Variants in RP1L1 observed in about 807,000 individuals in gnomAD.
RP1L1 encodes the protein retinitis pigmentosa 1-like 1 protein.
In RP1L1, 27 loss-of-function variants were observed where a neutral mutation model predicts 15.7. The observed-to-expected ratio is 1.72, with a 90% CI of 1.27 to 2.38. The LOEUF (loss-of-function observed/expected upper bound fraction) is 2.38. Among genes scored for constraint, RP1L1 ranks in the 30% most tolerant of loss-of-function variants. The probability of loss-of-function intolerance (pLI) is 0.00; values close to 1 mark genes in which losing one functional copy is unlikely to be tolerated. For missense variants in RP1L1, 4,798 were observed against 3,075.9 expected (o/e 1.56, Z -13.24); for synonymous variants, 1,813 against 1,276.7 (o/e 1.42, Z -8.96).
At chr8:10,617,690 G>A (rs112530585) in intron 2 of RP1L1, among the ~76,000 whole-genome samples, 4,795 of 151,530 alleles carry the variant, frequency 0.032, 267 homozygotes, top group African/African-American at 0.11. Flanking sequence ...CGGAGTAGCT[G>A]GGACTACAGG....
In RP1L1 at chr8:10,607,987, A is replaced by C. The variant is rs1405885731; in HGVS notation, c.6111T>G (p.Val2037=). ...CTTCTGTCTTCTGGGTCTCCCCTTC[A>C]ACCTCCTGGGCCTCTTCACCTTCTG... ...PKSEGEEAQE[V]EGETQKTEGD... Residue 2037 remains valine (V), a synonymous_variant, in exon 4 of 4, where the codon GTT becomes GTG. Transcript: ENST00000382483. 1 of 1,588,260 alleles carries C rather than the reference A, an allele frequency of 6.3e-7. No individual in the cohort carries two copies. Among genetic ancestry groups the C allele is most frequent in the Non-Finnish European group, 8.5e-7 (1 of 1,171,822 alleles).
chr8:10,627,784 G>A (rs1333689516), intron 1 of RP1L1, among the ~76,000 whole-genome samples: 3 of 152,136 alleles, frequency 2.0e-5, no homozygotes, highest in East Asian at 1.9e-4. Context: ...ACATCACAGC[G>A]TTCCACACAA....
intron 1 of RP1L1, among the ~76,000 whole-genome samples, chr8:10,645,838 C>A (rs1023162732): frequency 1.3e-5 from 2 of 152,156 alleles, no homozygotes; most frequent in Non-Finnish European, 1.5e-5. Flanking sequence ...GACCTCTGAA[C>A]CCTGCACCAG....
At chr8:10,631,299 A>G (rs1222461308) in intron 1 of RP1L1, among the ~76,000 whole-genome samples, 2 of 133,442 alleles carry the variant, frequency 1.5e-5, no homozygotes, top group South Asian at 5.3e-4. Context: ...GCACACAAAC[A>G]CGCATGCACA....
rs113172380 is a variant in RP1L1 at position 10,606,964 on chromosome 8, G to A, written c.7134C>T (p.Leu2378=). 9.9e-6 allele frequency: 16 copies of A among 1,614,114 alleles called. No individual in the cohort carries two copies. The highest frequency in any genetic ancestry group is 5.0e-5 in the Admixed American group (3 of 60,016). The part of the protein sequence containing the change: ...EGYDLQEDQA[L]GSLAPTEAVG... ...CTGCCTCAGTGGGGGCGAGACTTCCGAGTGCCTGGTCCTCTTGTAGGTCAT... is the reference window on the plus strand; with the variant it reads ...CTGCCTCAGTGGGGGCGAGACTTCCAAGTGCCTGGTCCTCTTGTAGGTCAT... The change falls in exon 4 of 4, where the codon CTC becomes CTT. Residue 2378 remains leucine, a synonymous_variant. Coordinates refer to ENST00000382483, the MANE Select transcript of RP1L1 (RefSeq NM_178857.6).
At chr8:10,626,631 A>G (rs926721702) in intron 1 of RP1L1, among the ~76,000 whole-genome samples, 1 of 152,194 alleles carries the variant, frequency 6.6e-6, no homozygotes, top group African/African-American at 2.4e-5. Flanking sequence ...AGAAAGGAAG[A>G]ATGAAAAAAA....
At chr8:10,635,353 C>G (rs769954142) in intron 1 of RP1L1, among the ~76,000 whole-genome samples, 4 of 152,244 alleles carry the variant, frequency 2.6e-5, no homozygotes, top group Admixed American at 1.3e-4. Context: ...AGGCTAATCC[C>G]TGGTCTTCTT....
chr8:10,607,255 A>C lies in RP1L1; in HGVS notation c.6843T>G (p.Pro2281=). The C allele has an allele frequency of 1.9e-6, 3 of 1,614,096 alleles. No individual in the cohort carries two copies. The highest frequency in any genetic ancestry group is 2.5e-6 in the Non-Finnish European group (3 of 1,179,948). Residue 2281 remains proline, a synonymous_variant, in exon 4 of 4, where the codon CCT becomes CCG. Transcript: ENST00000382483. Reference sequence around the variant, plus strand: ...GGTGGGGAGTGTCTCCACCTGGGGAAGGGGGTGGAGTGGGCCTGTCCTCAG... The same window carrying C: ...GGTGGGGAGTGTCTCCACCTGGGGACGGGGGTGGAGTGGGCCTGTCCTCAG... ...PVPEDRPTPP[P]SPGGDTPHQR... is the part of the protein sequence containing the mutation.
rs1175285900 is a variant in RP1L1 at position 10,612,333 on chromosome 8, G to A, written c.1765C>T (p.Leu589=). 2 of 1,613,226 alleles carry A rather than the reference G, an allele frequency of 1.2e-6. No homozygotes were observed. Among genetic ancestry groups the A allele is most frequent in the Admixed American group, 1.7e-5 (1 of 60,034 alleles). The change falls in exon 4 of 4, where the codon CTG becomes TTG. Residue 589 remains leucine (L), a synonymous_variant. Transcript: ENST00000382483. ...LSLSSLRSDD[L]QAETQGQGTE... ...CCCTGTCCTTGCGTCTCTGCCTGCA[G>A]GTCGTCACTCCTTAAAGATGAAAGA...
Position 10,611,301 on chromosome 8 carries a change from C to T in RP1L1, c.2797G>A (p.Gly933Ser). 6.2e-7 allele frequency: 1 copy of T among 1,613,012 alleles called. No homozygotes were observed. Among genetic ancestry groups the T allele is most frequent in the Non-Finnish European group, 8.5e-7 (1 of 1,180,016 alleles). Reference protein sequence around the residue: ...SEEKTLRSGGGPQGQEEASGV... With the variant: ...SEEKTLRSGGSPQGQEEASGV... ...CTGGCCTCCTCCTGCCCCTGGGGGCCTCCCCCACTCCTCAAGGTCTTCTCC... is the reference window on the plus strand; with the variant it reads ...CTGGCCTCCTCCTGCCCCTGGGGGCTTCCCCCACTCCTCAAGGTCTTCTCC... Residue 933 changes from glycine (G) to serine (S), a missense_variant, in exon 4 of 4, where the codon GGC becomes AGC. Physicochemically the swap from Gly to Ser is moderately conservative, Grantham distance 56 (BLOSUM62 0). Coordinates refer to ENST00000382483, the MANE Select transcript of RP1L1 (RefSeq NM_178857.6).
chr8:10,643,700 G>A (rs1315397528), intron 1 of RP1L1, among the ~76,000 whole-genome samples: 1 of 152,060 alleles, frequency 6.6e-6, no homozygotes, highest in Non-Finnish European at 1.5e-5. Flanking sequence ...CATGCACCAG[G>A]AAAGAGAAGA....
chr8:10,610,902 C>A lies in RP1L1; in HGVS notation c.3196G>T (p.Ala1066Ser). ...GCCCGCAGGCTCACCCTGCAGCCTG[C>A]TGGGGCCTCTCTGTCTGCTCCGGCC... ...AEAGADREAP[A>S]GCRVSLRALP... Residue 1066 changes from alanine to serine, a missense_variant, in exon 4 of 4, where the codon GCA becomes TCA. Physicochemically the swap from Ala to Ser is moderately conservative, Grantham distance 99. Coordinates refer to ENST00000382483, the MANE Select transcript of RP1L1 (RefSeq NM_178857.6). The A allele has an allele frequency of 6.2e-7, 1 of 1,610,930 alleles. No homozygotes were observed. Among genetic ancestry groups the A allele is most frequent in the Non-Finnish European group, 8.5e-7 (1 of 1,179,112 alleles).
At position 10,611,658 on chromosome 8, in the gene RP1L1, C is replaced by A; in HGVS notation, c.2440G>T (p.Glu814Ter). Residue 814 changes from glutamate (E) to a stop codon, truncating the protein, a stop_gained, in exon 4 of 4, where the codon GAG becomes TAG. Transcript: ENST00000382483. LOFTEE classifies it low-confidence loss of function (END_TRUNC). ...SPLVLQVGRP[E>*]QGAVGPHRSH... ...CGGTGGGGGCCCACCGCCCCTTGCT[C>A]AGGCCGTCCAACCTGCAGAACCAAG... is the stretch of plus-strand genomic sequence containing the variant. The A allele has an allele frequency of 6.2e-7, 1 of 1,613,180 alleles. No individual in the cohort carries two copies. The highest frequency in any genetic ancestry group is 8.5e-7 in the Non-Finnish European group (1 of 1,179,962).
Position 10,622,831 on chromosome 8 carries a change from G to GGGTTTC in RP1L1, c.365_370dup (p.Arg122_Asn123dup). ...GACATCCCGCAACTGCTGAGCAGTG[G>GGGTTTC]GGTTTCTCTCCTGTGGCCGGCCTGG... On this transcript the variant is annotated inframe_insertion, in exon 2 of 4. Coordinates refer to ENST00000382483, the MANE Select transcript of RP1L1 (RefSeq NM_178857.6). The GGGTTTC allele has an allele frequency of 6.2e-7, 1 of 1,613,394 alleles. No homozygotes were observed. Among genetic ancestry groups the GGGTTTC allele is most frequent in the Non-Finnish European group, 8.5e-7 (1 of 1,179,514 alleles).
chr8:10,623,388 T>C (rs1468584512), intron 1 of RP1L1, among the ~76,000 whole-genome samples, 168 bp from the exon 2 acceptor site: 1 of 152,176 alleles, frequency 6.6e-6, no homozygotes, highest in East Asian at 1.9e-4. Context: ...GGACAAAAGT[T>C]GGGCATGGGA....
rs781352010 is a variant in RP1L1 at position 10,612,174 on chromosome 8, T to C, written c.1924A>G (p.Arg642Gly). 2 of 1,613,436 alleles carry C rather than the reference T, an allele frequency of 1.2e-6. No homozygotes were observed. The highest frequency in any genetic ancestry group is 1.7e-4 in the Middle Eastern group (1 of 6,054). The change falls in exon 4 of 4, where the codon AGA (arginine) becomes GGA (glycine). Residue 642 changes from arginine to glycine, a missense_variant. Transcript: ENST00000382483. ...GAGGACATTGCACTGGCCCGGCTTC[T>C]GTGCCTTCTCTGCCCCTGCTGGGAT... ...TSSQQGQRRHRSRASAMSSPS... is the reference protein window; with the variant it reads ...TSSQQGQRRHGSRASAMSSPS...
intron 3 of RP1L1, among the ~76,000 whole-genome samples, chr8:10,615,943 C>A (rs1054867928): frequency 1.3e-5 from 2 of 152,050 alleles, no homozygotes; most frequent in Non-Finnish European, 2.9e-5. Context: ...TTTGCTCTGT[C>A]ACCCAGGCTG....
chr8:10,635,078 CA>C (rs1798308601), intron 1 of RP1L1, among the ~76,000 whole-genome samples: 1 of 152,178 alleles, frequency 6.6e-6, no homozygotes, highest in Admixed American at 6.5e-5. Context: ...CTCATAAACG[CA>C]CAGAGCAATG....
chr8:10,626,428 C>T (rs764981752), intron 1 of RP1L1, among the ~76,000 whole-genome samples: 1 of 152,262 alleles, frequency 6.6e-6, no homozygotes, highest in African/African-American at 2.4e-5. Flanking sequence ...GAGAAAAACA[C>T]GTGGGGCATG....
Sources: allele counts gnomAD v4.1 joint callset (sites outside exome capture counted in the v4.1 genomes callset), GRCh38; gene constraint gnomAD v4.1.1; transcripts MANE v1.5; gene names NCBI Gene and HGNC (gene_info 2026-07-23, HGNC 2026-07-21).